DPP6: variants seen among roughly 807,000 people sequenced by gnomAD.
DPP6 encodes the protein A-type potassium channel modulatory protein DPP6.
DPP6 carries 69 observed loss-of-function variants against 122.6 expected under a neutral mutation model. The observed-to-expected ratio is 0.56, with a 90% confidence interval of 0.46 to 0.69. The LOEUF is 0.69. DPP6 is among the 30% of genes least tolerant of loss of function. DPP6 has a pLI of 0.00. For synonymous variants in DPP6, 418 were observed against 433.1 expected, an observed-to-expected ratio of 0.97 and a Z score of 0.43; for missense variants, 928 against 1,116.9, an observed-to-expected ratio of 0.83 and a Z score of 2.41.
chr7:154,716,738 A>G (rs1385460309), intron 7 of DPP6, among the ~76,000 whole-genome samples: 1 of 146,422 alleles, frequency 6.8e-6, no homozygotes, highest in African/African-American at 2.8e-5. Context: ...TCAATATATT[A>G]TGCCATTTTT....
At chr7:154,647,067 C>G (rs887453078) in intron 6 of DPP6, among the ~76,000 whole-genome samples, 2 of 152,182 alleles carry the variant, frequency 1.3e-5, no homozygotes, top group African/African-American at 4.8e-5. Flanking sequence ...ACACCCATGT[C>G]CCTGGTTCCT....
intron 1 of DPP6, among the ~76,000 whole-genome samples, chr7:154,033,278 C>T (rs1337755546): frequency 2.6e-5 from 4 of 152,174 alleles, no homozygotes; most frequent in East Asian, 3.9e-4. Flanking sequence ...CTTATGTCTG[C>T]TTTGTCCCCA....
At chr7:154,127,636 C>CAG (rs1173046946) in intron 1 of DPP6, among the ~76,000 whole-genome samples, 2 of 104,120 alleles carry the variant, frequency 1.9e-5, no homozygotes, top group African/African-American at 9.3e-5. Flanking sequence ...CACACACAGA[C>CAG]ACACACACAC....
chr7:154,370,385 GA>G (rs1812556606), intron 1 of DPP6, among the ~76,000 whole-genome samples: 7 of 150,648 alleles, frequency 4.6e-5, no homozygotes, highest in African/African-American at 1.7e-4. Context: ...TTTTGGGGGG[GA>G]GGGGGGATGG....
intron 1 of DPP6, among the ~76,000 whole-genome samples, chr7:154,327,504 G>A (rs745376348): frequency 1.1e-3 from 172 of 152,218 alleles, no homozygotes; most frequent in African/African-American, 3.2e-3. Flanking sequence ...ATACTACACC[G>A]TAATTTGATA....
intron 2 of DPP6, among the ~76,000 whole-genome samples, chr7:154,467,319 G>C (rs1821872167): frequency 6.6e-6 from 1 of 152,164 alleles, no homozygotes; most frequent in Admixed American, 6.5e-5. Flanking sequence ...ATGTCAAATT[G>C]TAATCCTAAC....
intron 1 of DPP6, among the ~76,000 whole-genome samples, chr7:153,990,242 A>T (rs1450673989): frequency 2.0e-5 from 2 of 101,088 alleles, no homozygotes; most frequent in African/African-American, 8.4e-5. Flanking sequence ...CCCCACCCTC[A>T]GGCAGCCCCA....
chr7:154,767,290 G>T (rs1795966279), intron 8 of DPP6, among the ~76,000 whole-genome samples: 1 of 152,106 alleles, frequency 6.6e-6, no homozygotes, highest in African/African-American at 2.4e-5. Flanking sequence ...AGCCCCATTG[G>T]CCCCTTTCTT....
chr7:154,030,712 G>T (rs1298485386), intron 1 of DPP6, among the ~76,000 whole-genome samples: 1 of 152,014 alleles, frequency 6.6e-6, no homozygotes, highest in Non-Finnish European at 1.5e-5. Context: ...ACCTTTACCT[G>T]AATTGCTGGG....
At chr7:154,059,669 T>C (rs1288886495) in intron 1 of DPP6, 2 of 149,624 alleles carry the variant, frequency 1.3e-5, no homozygotes, top group Non-Finnish European at 2.9e-5. Context: ...ACAGCAAGTT[T>C]TTCATGAGTT....
At chr7:154,526,918 G>A (rs1471794770) in intron 3 of DPP6, among the ~76,000 whole-genome samples, 1 of 152,162 alleles carries the variant, frequency 6.6e-6, no homozygotes, top group Non-Finnish European at 1.5e-5. Context: ...GATTATTGGA[G>A]AAACATGGTG....
At position 154,241,185 on chromosome 7, in the gene DPP6, A is replaced by ATGCGTGTGCGTG. The variant is rs34454400; in HGVS notation, c.243+188124_243+188125insCGTGTGCGTGTG. On this transcript the variant is annotated intron_variant, in intron 1 of 25. Coordinates refer to ENST00000377770, the MANE Select transcript of DPP6 (RefSeq NM_130797.4). This position sits in a 1 kb window ranked among gnomAD's most constrained non-coding sequence, Gnocchi z 9.0. ...GCACAGTAGGTAATTCAATATCAAT[A>ATGCGTGTGCGTG]TGTGTGTGTGTGTGTGTGTGTGTGT... Among the ~76,000 whole-genome samples the ATGCGTGTGCGTG allele has an allele frequency of 7.3e-6, 1 of 136,212 alleles. No homozygotes were observed. Among genetic ancestry groups the ATGCGTGTGCGTG allele is most frequent in the Non-Finnish European group, 1.6e-5 (1 of 64,002 alleles). The allele number at this position is 136,212 out of a possible 152,430, so 89.4% of individuals were successfully genotyped here. A position where few individuals can be genotyped will look rare whatever the true frequency, so the allele number is the denominator to read the frequency against.
At chr7:154,192,761 T>C (rs1798677211) in intron 1 of DPP6, among the ~76,000 whole-genome samples, 1 of 152,236 alleles carries the variant, frequency 6.6e-6, no homozygotes, top group Non-Finnish European at 1.5e-5. Context: ...CGGAATTTTA[T>C]AGAATCTCGT....
intron 1 of DPP6, among the ~76,000 whole-genome samples, chr7:154,286,016 T>C (rs1018927114): frequency 2.0e-5 from 3 of 152,236 alleles, no homozygotes. Context: ...AATATACCTC[T>C]AAGAAAATAT....
chr7:154,724,645 G>C (rs140546023), intron 7 of DPP6, among the ~76,000 whole-genome samples: 112 of 152,242 alleles, frequency 7.4e-4, no homozygotes, highest in African/African-American at 2.5e-3. Flanking sequence ...CCCTCCAGGA[G>C]CTGGCTCCTG....
intron 1 of DPP6, among the ~76,000 whole-genome samples, chr7:154,353,316 C>G (rs748118726): frequency 6.6e-6 from 1 of 152,158 alleles, no homozygotes; most frequent in Non-Finnish European, 1.5e-5. Flanking sequence ...TACAGTTGTT[C>G]TGAATCTTTT....
At chr7:154,518,237 G>C (rs1826690836) in intron 3 of DPP6, among the ~76,000 whole-genome samples, 1 of 152,156 alleles carries the variant, frequency 6.6e-6, no homozygotes, top group Non-Finnish European at 1.5e-5. Context: ...TGAGAGAGTT[G>C]ATTTTTTGTT....
intron 11 of DPP6, 44 bp downstream of exon 11, chr7:154,794,246 G>A (rs768521241): frequency 5.2e-6 from 8 of 1,543,158 alleles, no homozygotes; most frequent in Admixed American, 3.7e-5. Context: ...GTGAAGAACC[G>A]ATGGTCAGAC....
At chr7:154,308,367 G>A (rs940224554) in intron 1 of DPP6, among the ~76,000 whole-genome samples, 3 of 152,076 alleles carry the variant, frequency 2.0e-5, no homozygotes, top group Non-Finnish European at 4.4e-5. Context: ...TTTTTTAAAG[G>A]ATACTAAATA....
Sources: gnomAD v4.1 joint callset for allele counts (sites outside exome capture counted in the v4.1 genomes callset) on GRCh38, gnomAD v4.1.1 for gene constraint, Gnocchi (gnomAD v3.1) non-coding constraint, MANE v1.5 for transcripts, NCBI Gene and HGNC (gene_info 2026-07-23, HGNC 2026-07-21) for gene names.